NOTCH1: variants seen among roughly 807,000 people sequenced by gnomAD.
NOTCH1 encodes the protein notch receptor 1.
A neutral mutation model predicts 254.8 loss-of-function variants in NOTCH1; 37 were observed. The observed-to-expected ratio is 0.15, with a 90% CI of 0.11 to 0.19. The LOEUF (loss-of-function observed/expected upper bound fraction) is 0.19. Among genes scored for constraint, NOTCH1 ranks in the 10% least tolerant of loss-of-function variants. The pLI is 1.00. For missense variants in NOTCH1, 2,972 were observed against 3,708.6 expected (o/e 0.80, Z 5.16); for synonymous variants, 1,731 against 1,618.1 (o/e 1.07, Z -1.68).
At position 136,545,602 on chromosome 9, in the gene NOTCH1, G is replaced by T; in HGVS notation, c.61+124C>A. 1 of 734,484 alleles carries T rather than the reference G, an allele frequency of 1.4e-6. No homozygotes were observed. The highest frequency in any genetic ancestry group is 1.9e-5 in the African/African-American group (1 of 52,112). The allele number at this position is 734,484 out of a possible 1,614,324, so 45.5% of individuals were successfully genotyped here. Reference sequence around the variant, plus strand: ...CAGAACCCCACGCCCCGGGCCGCCCGCTTTTCCCTCTCCATGCTGGCCTCC... The same window carrying T: ...CAGAACCCCACGCCCCGGGCCGCCCTCTTTTCCCTCTCCATGCTGGCCTCC... On this transcript the variant is annotated intron_variant, in intron 1 of 33. Transcript: ENST00000651671. The surrounding 1 kb of genome is among the most constrained non-coding windows in gnomAD (Gnocchi z 6.8).
chr9:136,495,202 C>T lies in NOTCH1; in HGVS notation c.*869G>A, dbSNP rs2133312419. ...AGGGTAGGATGCCTCCGTGTGTGACCCAGGCAAGTGCCACAGTCCACACAT... is the reference window on the plus strand; with the variant it reads ...AGGGTAGGATGCCTCCGTGTGTGACTCAGGCAAGTGCCACAGTCCACACAT... On this transcript the variant is annotated 3_prime_UTR_variant, in exon 34 of 34. Transcript: ENST00000651671. 5.0e-6 allele frequency: 2 copies of T among 399,046 alleles called. No homozygotes were observed. Among genetic ancestry groups the T allele is most frequent in the South Asian group, 1.3e-4 (1 of 7,862 alleles). The allele number at this position is 399,046 out of a possible 1,614,324, so 24.7% of individuals were successfully genotyped here.
At chr9:136,514,471 T>C (rs1843230193) in intron 13 of NOTCH1, 39 bp downstream of exon 13, 3 of 1,542,826 alleles carry the variant, frequency 1.9e-6, no homozygotes, top group Non-Finnish European at 2.6e-6. Context: ...TCCCAGGGTT[T>C]AGGACTGATG....
chr9:136,510,912 C>T (rs1181159086), intron 16 of NOTCH1, 107 bp from the exon 17 acceptor site: 4 of 1,488,810 alleles, frequency 2.7e-6, no homozygotes, highest in Non-Finnish European at 3.7e-6. Context: ...CAGGAGTAGG[C>T]TTCCGTGACC....
chr9:136,510,487 C>T, intron 17 of NOTCH1, 166 bp downstream of exon 17: 2 of 911,090 alleles, frequency 2.2e-6, no homozygotes, highest in South Asian at 1.6e-5. Flanking sequence ...CCTCCTGAAC[C>T]ACCCTGGCCA....
intron 2 of NOTCH1, among the ~76,000 whole-genome samples, chr9:136,535,999 G>A (rs568524755): frequency 6.6e-6 from 1 of 151,034 alleles, no homozygotes; most frequent in African/African-American, 2.4e-5. Context: ...GTGGGGGGGA[G>A]CACTCAGGAT....
chr9:136,541,901 G>A (rs995969987), intron 2 of NOTCH1, among the ~76,000 whole-genome samples: 3 of 152,206 alleles, frequency 2.0e-5, no homozygotes, highest in Admixed American at 6.5e-5. Flanking sequence ...GGCTGAGCTC[G>A]GCTGCCTGTC....
intron 7 of NOTCH1, 50 bp downstream of exon 7, chr9:136,518,087 G>A (rs746384920): frequency 4.5e-6 from 7 of 1,557,418 alleles, no homozygotes; most frequent in Non-Finnish European, 5.2e-6. Context: ...ATCGGTTCTG[G>A]GGCCAGGCTG....
chr9:136,538,041 C>T (rs1338302419), intron 2 of NOTCH1, among the ~76,000 whole-genome samples: 2 of 152,188 alleles, frequency 1.3e-5, no homozygotes, highest in Non-Finnish European at 2.9e-5. Context: ...GACTGCGTCA[C>T]TCTAATCCAG....
Position 136,523,131 on chromosome 9 carries a change from T to C in NOTCH1, c.461A>G (p.Gln154Arg), listed in dbSNP as rs767262358. The C allele has an allele frequency of 2.5e-6, 4 of 1,604,798 alleles. No individual in the cohort carries two copies. The Admixed American group carries it at 6.8e-5, about 27-fold the overall frequency. ...CASNPCANGGQCLPFEASYIC... is the reference protein window; with the variant it reads ...CASNPCANGGRCLPFEASYIC... ...GTAGGAGGCCTCGAAGGGCAGGCACTGGCCACCGTTGGCGCAGGGGTTGGA... is the reference window on the plus strand; with the variant it reads ...GTAGGAGGCCTCGAAGGGCAGGCACCGGCCACCGTTGGCGCAGGGGTTGGA... The change falls in exon 4 of 34, where the codon CAG (glutamine) becomes CGG (arginine). Residue 154 changes from glutamine to arginine, a missense_variant. Physicochemically the swap from Gln to Arg is conservative, Grantham distance 43. Coordinates refer to ENST00000651671, the MANE Select transcript of NOTCH1 (RefSeq NM_017617.5).
intron 2 of NOTCH1, among the ~76,000 whole-genome samples, chr9:136,537,131 G>C (rs544681960): frequency 2.8e-4 from 42 of 152,310 alleles, no homozygotes; most frequent in African/African-American, 1.0e-3. Context: ...CTGTCGGGTG[G>C]CTGCACCGGC....
At chr9:136,507,176 TGG>T in intron 22 of NOTCH1, 127 bp downstream of exon 22, 1 of 1,540,636 alleles carries the variant, frequency 6.5e-7, no homozygotes, top group Non-Finnish European at 8.9e-7. Context: ...GAGTCGGCCT[TGG>T]CCTCACACAG....
rs1842915367 is a variant in NOTCH1, at chr9:136,496,437, C to T, written c.7302G>A (p.Leu2434=). 1.2e-6 allele frequency: 2 copies of T among 1,600,050 alleles called. No individual in the cohort carries two copies. The highest frequency in any genetic ancestry group is 8.5e-7 in the Non-Finnish European group (1 of 1,179,802). Residue 2434 remains leucine, a synonymous_variant, in exon 34 of 34, where the codon CTG becomes CTA. Transcript: ENST00000651671. ...CGTCTGCCTGGCTCGGCTCTCCACT[C>T]AGGAAGCTCCGGCCCAGGTGGCCGC... ...AASGHLGRSF[L]SGEPSQADVQ...
In NOTCH1 at chr9:136,519,717, A is replaced by G. The variant is rs2133373152; in HGVS notation, c.743-152T>C. The G allele has an allele frequency of 7.6e-6, 8 of 1,047,468 alleles. No individual in the cohort carries two copies. The East Asian group carries it at 1.9e-4, about 25-fold the overall frequency. 64.9% of individuals were successfully genotyped at this position (1,047,468 alleles called of 1,614,324 possible). On this transcript the variant is annotated intron_variant, in intron 4 of 33. Transcript: ENST00000651671. The stretch of plus-strand genomic sequence containing the variant: ...CTGTGCCCGTCCCCTGCCTCACTCC[A>G]GTGCCCAGAGGGACACGCCCTGCTT...
At position 136,496,602 on chromosome 9, in the gene NOTCH1, C is replaced by T; in HGVS notation, c.7137G>A (p.Leu2379=). 1.2e-6 allele frequency: 2 copies of T among 1,613,002 alleles called. No homozygotes were observed. ...PSTRLATQPH[L]VQTQQVQPQN... Reference sequence around the variant, plus strand: ...GTGGCTGCACCTGCTGGGTCTGCACCAGGTGAGGCTGGGTGGCCAGCCGGG... The same window carrying T: ...GTGGCTGCACCTGCTGGGTCTGCACTAGGTGAGGCTGGGTGGCCAGCCGGG... Residue 2379 remains leucine (L), a synonymous_variant, in exon 34 of 34, where the codon CTG becomes CTA. Transcript: ENST00000651671.
At chr9:136,524,637 TTC>T (rs1295106907) in intron 2 of NOTCH1, among the ~76,000 whole-genome samples, 1 of 54,924 alleles carries the variant, frequency 1.8e-5, no homozygotes, top group Non-Finnish European at 3.1e-5. Flanking sequence ...TCTTTTTCTT[TTC>T]TTTTTTTTTT....
At position 136,505,485 on chromosome 9, in the gene NOTCH1, C is replaced by A. The variant is rs1414066424; in HGVS notation, c.4411G>T (p.Ala1471Ser). ...KVCSLQCNNH[A>S]CGWDGGDCSL... is the part of the protein sequence containing the mutation. ...CAGTCACCGCCGTCCCAGCCGCACG[C>A]GTGGTTGTTGCACTGCAGGCTGCAG... The change falls in exon 25 of 34, where the codon GCG (alanine) becomes TCG (serine). Residue 1471 changes from alanine (A) to serine (S), a missense_variant. Coordinates refer to ENST00000651671, the MANE Select transcript of NOTCH1 (RefSeq NM_017617.5). 5 of 1,612,724 alleles carry A rather than the reference C, an allele frequency of 3.1e-6. No individual in the cohort carries two copies. The highest frequency in any genetic ancestry group is 4.2e-6 in the Non-Finnish European group (5 of 1,180,024).
At chr9:136,536,297 G>A (rs936096618) in intron 2 of NOTCH1, among the ~76,000 whole-genome samples, 10 of 152,242 alleles carry the variant, frequency 6.6e-5, no homozygotes, top group Non-Finnish European at 1.0e-4. Flanking sequence ...GCGCTTCCCC[G>A]TCCCAAGGGC....
chr9:136,496,686 G>A lies in NOTCH1; in HGVS notation c.7053C>T (p.His2351=), dbSNP rs1842920439. ...SLQHGMVGPL[H]SSLAASALSQ... ...ACAGGGCGCTGGCAGCAAGGCTACTGTGCAGCGGGCCTACCATGCCATGCT... is the reference window on the plus strand; with the variant it reads ...ACAGGGCGCTGGCAGCAAGGCTACTATGCAGCGGGCCTACCATGCCATGCT... The change falls in exon 34 of 34, where the codon CAC becomes CAT. Residue 2351 remains histidine (H), a synonymous_variant. Coordinates refer to ENST00000651671, the MANE Select transcript of NOTCH1 (RefSeq NM_017617.5). The A allele has an allele frequency of 6.2e-7, 1 of 1,612,850 alleles. No individual in the cohort carries two copies. The highest frequency in any genetic ancestry group is 8.5e-7 in the Non-Finnish European group (1 of 1,179,954).
intron 6 of NOTCH1, 111 bp from the exon 7 acceptor site, chr9:136,518,403 CCCCGTCGGGCAT>C (rs1430022257): frequency 7.1e-7 from 1 of 1,410,712 alleles, no homozygotes; most frequent in South Asian, 1.2e-5. Context: ...CCCGCCGTGA[CCCCGTCGGGCAT>C]CCCGTGACAC....
Sources: allele counts gnomAD v4.1 joint callset (sites outside exome capture counted in the v4.1 genomes callset), GRCh38; gene constraint gnomAD v4.1.1; non-coding constraint Gnocchi (gnomAD v3.1); transcripts MANE v1.5; gene names NCBI Gene and HGNC (gene_info 2026-07-23, HGNC 2026-07-21).